The following RTN4 variants were observed in gnomAD, a reference collection of about 807,000 sequenced individuals.
RTN4 encodes reticulon 4.
In RTN4, 32 loss-of-function variants were observed where a neutral mutation model predicts 90.4. The observed-to-expected ratio is 0.35, with a 90% CI of 0.27 to 0.48. The LOEUF is 0.48. Ranked by LOEUF, RTN4 falls within the 20% of genes least tolerant of loss-of-function variation. RTN4 has a pLI of 0.99. For missense variants in RTN4, 1,706 were observed against 1,430.2 expected, an observed-to-expected ratio of 1.19 and a Z score of -3.11; for synonymous variants, 629 against 552.5, an observed-to-expected ratio of 1.14 and a Z score of -1.94.
At chr2:55,070,845 C>T (rs796707197) in intron 2 of RTN4, among the ~76,000 whole-genome samples, 15 of 151,822 alleles carry the variant, frequency 9.9e-5, no homozygotes, top group African/African-American at 2.7e-4. Flanking sequence ...GGTGCGATCT[C>T]GGCTCACTGC....
chr2:55,101,219 G>A (rs948919051), intron 1 of RTN4, among the ~76,000 whole-genome samples: 1 of 152,016 alleles, frequency 6.6e-6, no homozygotes, highest in Non-Finnish European at 1.5e-5. Flanking sequence ...CTCCAGGGGT[G>A]AGATTATCAT....
At chr2:55,065,289 C>T (rs1172087116) in intron 2 of RTN4, among the ~76,000 whole-genome samples, 2 of 152,178 alleles carry the variant, frequency 1.3e-5, no homozygotes, top group Non-Finnish European at 2.9e-5. Flanking sequence ...CTTAAAATTG[C>T]ACTCATAATC....
chr2:55,087,563 A>C, intron 1 of RTN4, among the ~76,000 whole-genome samples: 1 of 152,224 alleles, frequency 6.6e-6, no homozygotes, highest in South Asian at 2.1e-4. Context: ...TCACTGCTAC[A>C]CACCATTCTA....
At chr2:55,135,580 T>C in the RTN4 span, among the ~76,000 whole-genome samples, 1 of 152,240 alleles carries the variant, frequency 6.6e-6, no homozygotes, top group Admixed American at 6.5e-5. Flanking sequence ...CTTCTTTTTT[T>C]ACACTTTACT....
intron 2 of RTN4, among the ~76,000 whole-genome samples, chr2:55,071,066 T>G (rs372594525): frequency 2.0e-5 from 3 of 150,812 alleles, no homozygotes; most frequent in South Asian, 2.1e-4. Context: ...GTGAGCCACC[T>G]CGCCCTGCCT....
chr2:55,071,543 CAAAAAAAA>C (rs71410418), intron 2 of RTN4, among the ~76,000 whole-genome samples: 5 of 99,506 alleles, frequency 5.0e-5, no homozygotes, highest in Admixed American at 1.2e-4. Context: ...CATTTGCCAT[CAAAAAAAA>C]AAAAAAAAAA....
intron 3 of RTN4, chr2:55,010,072 A>T (rs2104787676): frequency 6.2e-7 from 1 of 1,612,646 alleles, no homozygotes; most frequent in African/African-American, 1.3e-5. Flanking sequence ...ATAAGAAATT[A>T]AAAAGCAGAT....
In RTN4 at chr2:54,994,000, T is replaced by C. The variant is rs114977173; in HGVS notation, c.3014-6302A>G. On this transcript the variant is annotated intron_variant, in intron 3 of 8. Transcript: ENST00000337526. ...ATACCAAACAGTGTGGCTGACTTAA[T>C]TGACATTTGCCAACAAAATTTCTAG... Among the ~76,000 whole-genome samples, 58 of 152,374 alleles carry C rather than the reference T, an allele frequency of 3.8e-4. 1 individual carries two copies. The highest frequency in any genetic ancestry group is 1.1e-3 in the African/African-American group (46 of 41,594).
upstream of RTN4, among the ~76,000 whole-genome samples, chr2:55,114,822 C>T (rs77368525): frequency 3.0e-3 from 458 of 152,274 alleles, 1 homozygote; most frequent in Admixed American, 5.5e-3. Flanking sequence ...CAAATGCTCA[C>T]GGGTGGCAAT....
At chr2:55,101,209 C>G (rs2105056165) in intron 1 of RTN4, among the ~76,000 whole-genome samples, 1 of 152,100 alleles carries the variant, frequency 6.6e-6, no homozygotes, top group Non-Finnish European at 1.5e-5. Flanking sequence ...TAGGGATTAT[C>G]TCCAGGGGTG....
chr2:54,977,406 G>GTTTTTTTTTTTTTTTTTTT (rs34777052), intron 5 of RTN4, among the ~76,000 whole-genome samples: 1 of 146,112 alleles, frequency 6.8e-6, no homozygotes, highest in Non-Finnish European at 1.5e-5. Flanking sequence ...AGCTCAGGCC[G>GTTTTTTTTTTTTTTTTTTT]TTTTTTTTTT....
intron 3 of RTN4, chr2:55,014,570 T>A (rs977467618): frequency 2.0e-5 from 3 of 151,538 alleles, no homozygotes; most frequent in African/African-American, 7.3e-5. Context: ...CAGGCTGGAA[T>A]GCAGTGGCAC....
chr2:55,083,659 AGG>A (rs1668776923), intron 1 of RTN4, among the ~76,000 whole-genome samples: 1 of 152,232 alleles, frequency 6.6e-6, no homozygotes, highest in Admixed American at 6.5e-5. Flanking sequence ...GGAAACTATA[AGG>A]GGAAAAATTG....
chr2:55,033,425 GCAGCACTTT>G (rs1488371048), intron 1 of RTN4, among the ~76,000 whole-genome samples: 1 of 152,128 alleles, frequency 6.6e-6, no homozygotes, highest in Non-Finnish European at 1.5e-5. Flanking sequence ...ATCCATACTT[GCAGCACTTT>G]CAGGACATGC....
upstream of RTN4, among the ~76,000 whole-genome samples, chr2:55,116,321 T>C (rs1012690927): frequency 6.6e-6 from 1 of 152,040 alleles, no homozygotes; most frequent in Admixed American, 6.6e-5. Flanking sequence ...AAACAGATAA[T>C]GGGAGAAACA....
chr2:55,067,787 C>T (rs189731083), intron 2 of RTN4, among the ~76,000 whole-genome samples: 6 of 152,212 alleles, frequency 3.9e-5, no homozygotes, highest in South Asian at 2.1e-4. Flanking sequence ...TACACTCTTC[C>T]GTGCTGTGGA....
rs1174300846 is a variant in RTN4 at position 55,010,285 on chromosome 2, C to T, written c.3013+14801G>A. On this transcript the variant is annotated intron_variant, in intron 3 of 8. Transcript: ENST00000337526. ...CTGCAGCAGGACTGAAGTCACCTGACGTCTTCTGGGTGTGGAACAGTCTGA... is the reference window on the plus strand; with the variant it reads ...CTGCAGCAGGACTGAAGTCACCTGATGTCTTCTGGGTGTGGAACAGTCTGA... 8 of 1,467,962 alleles carry T rather than the reference C, an allele frequency of 5.4e-6. No homozygotes were observed. The East Asian group carries it at 7.2e-5, about 13-fold the overall frequency. The allele number at this position is 1,467,962 out of a possible 1,614,324, so 90.9% of individuals were successfully genotyped here. A position where few individuals can be genotyped will look rare whatever the true frequency, so the allele number is the denominator to read the frequency against.
chr2:55,135,191 A>G, the RTN4 span, among the ~76,000 whole-genome samples: 13 of 144,704 alleles, frequency 9.0e-5, no homozygotes, highest in Non-Finnish European at 1.5e-4. Context: ...TATATTGATT[A>G]TATGTTTGTT....
At chr2:55,118,447 GGA>G in the RTN4 span, among the ~76,000 whole-genome samples, 1 of 151,812 alleles carries the variant, frequency 6.6e-6, no homozygotes, top group African/African-American at 2.4e-5. Context: ...CCTGGGCAAT[GGA>G]GCAAGACCCT....
Sources: gnomAD v4.1 joint callset for allele counts (sites outside exome capture counted in the v4.1 genomes callset) on GRCh38, gnomAD v4.1.1 for gene constraint, MANE v1.5 for transcripts, NCBI Gene and HGNC (gene_info 2026-07-23, HGNC 2026-07-21) for gene names.